FXR2: variants seen among roughly 807,000 people sequenced by gnomAD.
FXR2 encodes the protein RNA-binding protein FXR2.
A neutral mutation model predicts 87.3 loss-of-function variants in FXR2; 9 were observed. That is an observed-to-expected ratio of 0.10 (90% CI 0.06 to 0.18). The LOEUF (loss-of-function observed/expected upper bound fraction) is 0.18, where lower values mean the gene tolerates loss of function less well. FXR2 is among the 10% of genes least tolerant of loss of function. The pLI, the probability that FXR2 is intolerant of heterozygous loss-of-function variation, is 1.00. For missense variants in FXR2, 661 were observed against 893.6 expected (o/e 0.74, Z 3.32); for synonymous variants, 331 against 328.3 (o/e 1.01, Z -0.09).
chr17:7,601,992 AG>A (rs1264993949), intron 6 of FXR2, among the ~76,000 whole-genome samples: 2 of 152,180 alleles, frequency 1.3e-5, no homozygotes, highest in African/African-American at 4.8e-5. Context: ...GCTGACTATC[AG>A]GGTACTGAAG....
In FXR2 at chr17:7,594,561, C is replaced by T; in HGVS notation, c.910+118G>A. The T allele has an allele frequency of 1.3e-6, 1 of 769,374 alleles. No individual in the cohort carries two copies. Among genetic ancestry groups the T allele is most frequent in the Non-Finnish European group, 2.3e-6 (1 of 432,742 alleles). The allele number at this position is 769,374 out of a possible 1,614,324, so 47.7% of individuals were successfully genotyped here. A position where few individuals can be genotyped will look rare whatever the true frequency, so the allele number is the denominator to read the frequency against. ...TTATCACTCCCATTACAGACTGTTTCTCTGTCCTTGTGAAACTGGGAGTCC... is the reference window on the plus strand; with the variant it reads ...TTATCACTCCCATTACAGACTGTTTTTCTGTCCTTGTGAAACTGGGAGTCC... On this transcript the variant is annotated intron_variant, in intron 9 of 16. Transcript: ENST00000250113. The surrounding 1 kb of genome is among the most constrained non-coding windows in gnomAD (Gnocchi z 5.1).
At chr17:7,600,037 A>C (rs1281686966) in intron 7 of FXR2, among the ~76,000 whole-genome samples, 1 of 150,608 alleles carries the variant, frequency 6.6e-6, no homozygotes, top group African/African-American at 2.5e-5. Context: ...AGCTGGGACA[A>C]CAGGCGCCTG....
rs1276823897 is a variant in FXR2, at chr17:7,614,658, G to A, written c.-126C>T. 3 of 455,318 alleles carry A rather than the reference G, an allele frequency of 6.6e-6. No homozygotes were observed. Among genetic ancestry groups the A allele is most frequent in the Non-Finnish European group, 1.0e-5 (3 of 288,336 alleles). The allele number at this position is 455,318 out of a possible 1,614,324, so 28.2% of individuals were successfully genotyped here. On this transcript the variant is annotated 5_prime_UTR_variant, in exon 1 of 17. Transcript: ENST00000250113. ...GGGGGAGCCGCGGGGGGCGGGAGCC[G>A]GGCCGGCCCCACGGCGGCCCTGCCA...
chr17:7,594,707 G>C lies in FXR2; in HGVS notation c.882C>G (p.Asp294Glu). 6.2e-7 allele frequency: 1 copy of C among 1,611,732 alleles called. No individual in the cohort carries two copies. The highest frequency in any genetic ancestry group is 8.5e-7 in the Non-Finnish European group (1 of 1,177,804). ...CCAGGTTCCTGGGCACTTGCACTGA[G>C]TCCTCAGAAAACTCAAGGTAGCTTC... ...QARSYLEFSE[D>E]SVQVPRNLVG... The change falls in exon 9 of 17, where the codon GAC (aspartate) becomes GAG (glutamate). Residue 294 changes from aspartate (D) to glutamate (E), a missense_variant. By Grantham distance (45) the Asp-to-Glu change is conservative (BLOSUM62 2). This residue lies in a region of FXR2 where 82 missense variants were observed against 214.4 expected (regional missense o/e 0.38). Transcript: ENST00000250113. The surrounding 1 kb of genome is among the most constrained non-coding windows in gnomAD (Gnocchi z 5.1).
chr17:7,614,365 C>T, intron 1 of FXR2, 87 bp downstream of exon 1: 1 of 1,007,080 alleles, frequency 9.9e-7, no homozygotes. Context: ...GACTCAGCTC[C>T]AGAAGCTCGA....
chr17:7,612,083 G>C (rs1266424062), intron 1 of FXR2, among the ~76,000 whole-genome samples: 1 of 152,186 alleles, frequency 6.6e-6, no homozygotes, highest in Non-Finnish European at 1.5e-5. Context: ...CTTTCTGCTG[G>C]ACACTTATAT....
intron 7 of FXR2, among the ~76,000 whole-genome samples, chr17:7,599,535 G>A (rs759439515): frequency 6.6e-6 from 1 of 151,922 alleles, no homozygotes; most frequent in Admixed American, 6.6e-5. Context: ...CCAACGAAAG[G>A]GAATCTGACA....
Position 7,592,810 on chromosome 17 carries a change from G to T in FXR2, c.1613C>A (p.Pro538His). The change falls in exon 14 of 17, where the codon CCC (proline) becomes CAC (histidine). Residue 538 changes from proline to histidine, a missense_variant. Around this residue, in one of 3 missense-constraint regions of FXR2, gnomAD observed 409 missense variants for 432.0 expected, o/e 0.95. Coordinates refer to ENST00000250113, the MANE Select transcript of FXR2 (RefSeq NM_004860.4). The surrounding 1 kb of genome is among the most constrained non-coding windows in gnomAD (Gnocchi z 4.8). ...EPPVDSEPGE[P>H]PPASARRRRS... ...GCGGCGCCTGGCACTTGCTGGGGGG[G>T]GTTCCCCAGGTTCTGAATCAACCGG... 6.2e-7 allele frequency: 1 copy of T among 1,613,226 alleles called. No homozygotes were observed. Among genetic ancestry groups the T allele is most frequent in the Non-Finnish European group, 8.5e-7 (1 of 1,179,554 alleles).
Position 7,594,518 on chromosome 17 carries a change from A to C in FXR2, c.910+161T>G. On this transcript the variant is annotated intron_variant, in intron 9 of 16. Coordinates refer to ENST00000250113, the MANE Select transcript of FXR2 (RefSeq NM_004860.4). This position sits in a 1 kb window ranked among gnomAD's most constrained non-coding sequence, Gnocchi z 5.1. ...CAGGACAAAATGTTACAATCCCTAG[A>C]AATTTATTCTTTCATTTTTATCACT... The C allele has an allele frequency of 2.9e-6, 2 of 680,404 alleles. No individual in the cohort carries two copies. 42.1% of individuals were successfully genotyped at this position (680,404 alleles called of 1,614,324 possible).
intron 7 of FXR2, 36 bp from the exon 8 acceptor site, chr17:7,596,030 A>G: frequency 6.6e-7 from 1 of 1,511,420 alleles, no homozygotes; most frequent in East Asian, 2.3e-5. Context: ...TCATGGTGGT[A>G]GAATCTCACA....
chr17:7,594,969 A>G lies in FXR2; in HGVS notation c.832-212T>C, dbSNP rs1019785014. On this transcript the variant is annotated intron_variant, in intron 8 of 16. Coordinates refer to ENST00000250113, the MANE Select transcript of FXR2 (RefSeq NM_004860.4). This position sits in a 1 kb window ranked among gnomAD's most constrained non-coding sequence, Gnocchi z 5.1. ...AAAAATACTAAAATACTAAAAATAC[A>G]AAATTGGTGGCTCACGTCTCTAATC... Among the ~76,000 whole-genome samples, 6 of 152,026 alleles carry G rather than the reference A, an allele frequency of 3.9e-5. No homozygotes were observed. Among genetic ancestry groups the G allele is most frequent in the Non-Finnish European group, 8.8e-5 (6 of 68,004 alleles).
chr17:7,601,657 G>T (rs532524590), intron 6 of FXR2, 132 bp from the exon 7 acceptor site: 3 of 622,370 alleles, frequency 4.8e-6, no homozygotes, highest in Non-Finnish European at 8.6e-6. Context: ...GACCGGGCGC[G>T]GTGGCTCATG....
At chr17:7,597,695 C>T (rs951854677) in intron 7 of FXR2, among the ~76,000 whole-genome samples, 44 of 152,174 alleles carry the variant, frequency 2.9e-4, no homozygotes, top group African/African-American at 1.0e-3. Flanking sequence ...AGGCGTGAGC[C>T]GCTGCACCCG....
Position 7,591,917 on chromosome 17 carries a change from A to G in FXR2, c.1935T>C (p.Ser645=). ...AGGGGCCCTTAGGAAGCTTGCTGAC[A>G]GAGTCACCCTGAGGGGAAAGTGGGA... ...EDSLSGQKGD[S]VSKLPKGPSE... Residue 645 remains serine, a synonymous_variant, in exon 17 of 17, where the codon TCT becomes TCC. Transcript: ENST00000250113. The surrounding 1 kb of genome is among the most constrained non-coding windows in gnomAD (Gnocchi z 4.0). 3 of 1,585,782 alleles carry G rather than the reference A, an allele frequency of 1.9e-6. No homozygotes were observed. The highest frequency in any genetic ancestry group is 2.6e-6 in the Non-Finnish European group (3 of 1,154,868).
At chr17:7,604,836 C>T (rs2071790204) in intron 3 of FXR2, among the ~76,000 whole-genome samples, 1 of 151,180 alleles carries the variant, frequency 6.6e-6, no homozygotes, top group African/African-American at 2.4e-5. Flanking sequence ...ATTCTCCTGC[C>T]TCAGCCTCCC....
chr17:7,601,362 G>C (rs2071754496), intron 7 of FXR2, 47 bp downstream of exon 7: 1 of 1,001,586 alleles, frequency 1.0e-6, no homozygotes, highest in Non-Finnish European at 1.6e-6. Context: ...GGTAGGAAGG[G>C]AGGAAGACAA....
Position 7,593,050 on chromosome 17 carries a change from G to A in FXR2, c.1462C>T (p.Arg488Trp), listed in dbSNP as rs777500113. ...GGGGCAGGTGGGGGTCCCCTACCCCGGCCCCCAGTCGGCCGCCTCCGGCTT... is the reference window on the plus strand; with the variant it reads ...GGGGCAGGTGGGGGTCCCCTACCCCAGCCCCCAGTCGGCCGCCTCCGGCTT... ...EESRRRPTGG[R>W]GRGPPPAPRP... The change falls in exon 13 of 17, where the codon CGG becomes TGG. Residue 488 changes from arginine to tryptophan, a missense_variant. Around this residue, in one of 3 missense-constraint regions of FXR2, gnomAD observed 409 missense variants for 432.0 expected, o/e 0.95. Coordinates refer to ENST00000250113, the MANE Select transcript of FXR2 (RefSeq NM_004860.4). This position sits in a 1 kb window ranked among gnomAD's most constrained non-coding sequence, Gnocchi z 6.1. 15 of 1,583,830 alleles carry A rather than the reference G, an allele frequency of 9.5e-6. No individual in the cohort carries two copies. The East Asian group carries it at 2.2e-4, about 24-fold the overall frequency.
chr17:7,613,629 G>C lies in FXR2; in HGVS notation c.81+823C>G, dbSNP rs1226035318. Reference sequence around the variant, plus strand: ...GTGGAAATCTTAAGATAAACAGAAGGGAACCTCATAAGCTTCCTTTCAGAG... The same window carrying C: ...GTGGAAATCTTAAGATAAACAGAAGCGAACCTCATAAGCTTCCTTTCAGAG... On this transcript the variant is annotated intron_variant, in intron 1 of 16. Transcript: ENST00000250113. Among the ~76,000 whole-genome samples the C allele has an allele frequency of 5.9e-5, 9 of 152,134 alleles. No homozygotes were observed. In the South Asian group the frequency reaches 1.9e-3, roughly 31 times the overall value.
In FXR2 at chr17:7,612,928, G is replaced by A. The variant is rs1167372598; in HGVS notation, c.81+1524C>T. 6.1e-5 allele frequency among the ~76,000 whole-genome samples: 9 copies of A among 148,472 alleles called. No individual in the cohort carries two copies. In the Admixed American group the frequency reaches 6.2e-4, roughly 10 times the overall value. On this transcript the variant is annotated intron_variant, in intron 1 of 16. Transcript: ENST00000250113. ...GGAGAATGGCGCGAACCAGGGAGGC[G>A]GAGCTTGCAGTGAGCCAAGATCGCA...
Sources: allele counts gnomAD v4.1 joint callset (sites outside exome capture counted in the v4.1 genomes callset), GRCh38; gene constraint gnomAD v4.1.1; regional missense constraint gnomAD v4.1.1; non-coding constraint Gnocchi (gnomAD v3.1); transcripts MANE v1.5; gene names NCBI Gene and HGNC (gene_info 2026-07-23, HGNC 2026-07-21).